The following ZNF346 variants were observed in gnomAD, a reference collection of about 807,000 sequenced individuals.
ZNF346 encodes the protein double-stranded RNA-binding zinc finger protein JAZ.
A neutral mutation model predicts 33.7 loss-of-function variants in ZNF346; 23 were observed. The ratio of observed to expected loss-of-function variants is 0.68; its 90% confidence interval spans 0.49 to 0.97. The LOEUF is 0.97. Ranked by LOEUF, ZNF346 falls within the 50% of genes least tolerant of loss-of-function variation. The pLI, the probability that ZNF346 is intolerant of heterozygous loss-of-function variation, is 0.00. For missense variants in ZNF346, 340 were observed against 371.1 expected (o/e 0.92, Z 0.69); for synonymous variants, 134 against 142.4 (o/e 0.94, Z 0.42).
At chr5:177,027,340 C>T (rs997566894) in intron 1 of ZNF346, among the ~76,000 whole-genome samples, 2 of 152,096 alleles carry the variant, frequency 1.3e-5, no homozygotes, top group African/African-American at 2.4e-5. Context: ...TGAGCCATCA[C>T]GCCCAGCCGA....
At chr5:177,029,986 C>T (rs1430505726) in intron 1 of ZNF346, among the ~76,000 whole-genome samples, 1 of 152,152 alleles carries the variant, frequency 6.6e-6, no homozygotes, top group Non-Finnish European at 1.5e-5. Context: ...GGGACACCAA[C>T]TGGTGTCCAC....
At chr5:177,049,291 C>T (rs1246931170) in intron 4 of ZNF346, among the ~76,000 whole-genome samples, 1 of 152,158 alleles carries the variant, frequency 6.6e-6, no homozygotes, top group East Asian at 1.9e-4. Context: ...CAAAACTTCC[C>T]CAGTTGAAGT....
At chr5:177,070,696 AGTCCCCCTGG>A (rs1783460072), downstream of ZNF346, among the ~76,000 whole-genome samples, 1 of 152,238 alleles carries the variant, frequency 6.6e-6, no homozygotes, top group African/African-American at 2.4e-5. Context: ...GTAAGCCCTG[AGTCCCCCTGG>A]AGCGGGGGTA....
downstream of ZNF346, among the ~76,000 whole-genome samples, chr5:177,070,664 C>T (rs1783458658): frequency 6.6e-6 from 1 of 152,152 alleles, no homozygotes; most frequent in African/African-American, 2.4e-5. Context: ...ATAGCTGCTG[C>T]TCTTTCTATT....
chr5:177,044,230 T>G, intron 3 of ZNF346, 159 bp from the exon 4 acceptor site: 1 of 756,696 alleles, frequency 1.3e-6, no homozygotes, highest in South Asian at 1.8e-5. Context: ...GTGAGTAGAG[T>G]CTGGGACAAA....
chr5:177,045,664 T>C (rs1048919883), intron 4 of ZNF346, among the ~76,000 whole-genome samples: 1 of 152,086 alleles, frequency 6.6e-6, no homozygotes. Flanking sequence ...CAAAACCTTT[T>C]TTTTTAAATA....
chr5:177,060,381 C>T (rs529967901), intron 5 of ZNF346, among the ~76,000 whole-genome samples: 22 of 150,388 alleles, frequency 1.5e-4, no homozygotes, highest in Non-Finnish European at 2.1e-4. Context: ...ATTAGCCGGG[C>T]GTGGTGGTGC....
At chr5:177,034,574 C>A (rs1778210219) in intron 1 of ZNF346, among the ~76,000 whole-genome samples, 1 of 152,146 alleles carries the variant, frequency 6.6e-6, no homozygotes, top group East Asian at 1.9e-4. Flanking sequence ...CACAAAAGTT[C>A]TCTGTGTTCC....
chr5:177,051,140 G>A (rs545828377), intron 5 of ZNF346, among the ~76,000 whole-genome samples: 1 of 151,148 alleles, frequency 6.6e-6, no homozygotes, highest in Non-Finnish European at 1.5e-5. Context: ...TTCCTACTCA[G>A]CTGTTACCAT....
intron 5 of ZNF346, among the ~76,000 whole-genome samples, chr5:177,054,075 A>ATTT (rs35038931): frequency 7.0e-6 from 1 of 143,622 alleles, no homozygotes. Flanking sequence ...TACTTCTGGA[A>ATTT]TTTTTTTTTT....
chr5:177,041,060 G>C, intron 1 of ZNF346, 66 bp from the exon 2 acceptor site: 1 of 1,259,594 alleles, frequency 7.9e-7, no homozygotes, highest in South Asian at 1.2e-5. Context: ...TTGAGGCAGG[G>C]TTCAAAGGCA....
rs562060612 is a variant in ZNF346 at position 177,076,565 on chromosome 5, G to A, written c.*3-2817G>A. On this transcript the variant is annotated intron_variant, in intron 8 of 8. Transcript: ENST00000503039. ...TTGGACAGAACCCCTTTACCCCAAC[G>A]TTTCCTCTTAGTCATTTTCCATTCA... is the stretch of plus-strand genomic sequence containing the variant. 6.6e-5 allele frequency among the ~76,000 whole-genome samples: 10 copies of A among 152,166 alleles called. No individual in the cohort carries two copies. In the East Asian group the frequency reaches 7.7e-4, roughly 12 times the overall value.
intron 5 of ZNF346, among the ~76,000 whole-genome samples, chr5:177,055,111 G>A (rs1050599725): frequency 1.4e-5 from 2 of 146,196 alleles, no homozygotes; most frequent in South Asian, 2.1e-4. Flanking sequence ...TCGGCTCACC[G>A]CGACCTCTGC....
intron 5 of ZNF346, among the ~76,000 whole-genome samples, chr5:177,059,125 A>G (rs997174693): frequency 6.6e-6 from 1 of 152,214 alleles, no homozygotes; most frequent in African/African-American, 2.4e-5. Context: ...CAAGTCACCT[A>G]ACACTTACTG....
exon 9 of ZNF346, chr5:177,080,149 C>G (rs1054323946): frequency 6.6e-6 from 1 of 152,260 alleles, no homozygotes; most frequent in Non-Finnish European, 1.5e-5. Flanking sequence ...ATGCCCTGGG[C>G]AACCTGTAAC....
chr5:177,031,357 A>G (rs920149032), intron 1 of ZNF346, among the ~76,000 whole-genome samples: 18 of 152,232 alleles, frequency 1.2e-4, no homozygotes, highest in African/African-American at 3.6e-4. Context: ...TTGCAGGATC[A>G]TTTGGCTGGA....
intron 6 of ZNF346, among the ~76,000 whole-genome samples, chr5:177,062,466 G>A (rs1220804628): frequency 2.0e-5 from 3 of 152,148 alleles, no homozygotes; most frequent in African/African-American, 7.2e-5. Context: ...CCACTGGCCT[G>A]GAGACCCTCT....
chr5:177,035,206 G>A (rs1016971285), intron 1 of ZNF346, among the ~76,000 whole-genome samples: 1 of 151,972 alleles, frequency 6.6e-6, no homozygotes, highest in Non-Finnish European at 1.5e-5. Flanking sequence ...TGGTGGAGAC[G>A]GGGGTTTGCC....
At chr5:177,076,763 G>A (rs551092361) in intron 8 of ZNF346, among the ~76,000 whole-genome samples, 4 of 152,240 alleles carry the variant, frequency 2.6e-5, no homozygotes, top group Admixed American at 6.5e-5. Flanking sequence ...TCGTTGAGCC[G>A]GGCGTGGTGG....
Sources: allele counts gnomAD v4.1 joint callset (sites outside exome capture counted in the v4.1 genomes callset), GRCh38; gene constraint gnomAD v4.1.1; transcripts MANE v1.5; gene names NCBI Gene and HGNC (gene_info 2026-07-23, HGNC 2026-07-21).